The following IL1RAPL2 variants were observed in gnomAD, a reference collection of about 807,000 sequenced individuals.
IL1RAPL2 encodes the protein interleukin 1 receptor accessory protein like 2, also known as X-linked interleukin-1 receptor accessory protein-like 2.
Under a neutral mutation model 44.1 loss-of-function variants are expected in IL1RAPL2, and 3 were observed. The observed-to-expected ratio is 0.07, with a 90% CI of 0.03 to 0.18. The LOEUF is 0.18. Among genes scored for constraint, IL1RAPL2 ranks in the 10% least tolerant of loss-of-function variants. The pLI is 1.00. For synonymous variants in IL1RAPL2, 181 were observed against 178.8 expected (o/e 1.01, Z -0.10); for missense variants, 391 against 496.4 (o/e 0.79, Z 2.02).
At chrX:105,435,941 C>T (rs986714819) in intron 5 of IL1RAPL2, among the ~76,000 whole-genome samples, 3 of 110,904 alleles carry the variant, frequency 2.7e-5, no homozygotes, top group Non-Finnish European at 1.9e-5. Context: ...CTAATGCATG[C>T]GGGGCTTAAT....
At chrX:105,591,340 A>C (rs897633650) in intron 6 of IL1RAPL2, among the ~76,000 whole-genome samples, 3 of 109,195 alleles carry the variant, frequency 2.7e-5, no homozygotes, top group Admixed American at 9.8e-5. Flanking sequence ...GGGATCTATC[A>C]ATCTTATTTA....
At chrX:105,650,411 T>G (rs1240472433) in intron 6 of IL1RAPL2, among the ~76,000 whole-genome samples, 1 of 111,894 alleles carries the variant, frequency 8.9e-6, no homozygotes, top group Non-Finnish European at 1.9e-5. Context: ...AAGTTCTTTA[T>G]GTGTTTTTGT....
At chrX:105,659,225 C>G (rs1285941432) in intron 6 of IL1RAPL2, among the ~76,000 whole-genome samples, 7 of 111,089 alleles carry the variant, frequency 6.3e-5, no homozygotes, top group Non-Finnish European at 1.3e-4. Context: ...AAATAAGGCA[C>G]CAAAGACCAA....
At chrX:105,081,409 C>G (rs1298970670) in intron 2 of IL1RAPL2, among the ~76,000 whole-genome samples, 5 of 111,170 alleles carry the variant, frequency 4.5e-5, no homozygotes, top group African/African-American at 1.6e-4. Flanking sequence ...TTATTAGAAC[C>G]TTTTCATTAT....
chrX:105,416,290 AT>A (rs2035732643), intron 5 of IL1RAPL2, among the ~76,000 whole-genome samples: 1 of 111,792 alleles, frequency 8.9e-6, no homozygotes, highest in African/African-American at 3.2e-5. Context: ...TTTTGCTGCT[AT>A]TTCCCCATCC....
At chrX:105,176,606 A>G (rs893077747) in intron 2 of IL1RAPL2, among the ~76,000 whole-genome samples, 1 of 110,629 alleles carries the variant, frequency 9.0e-6, no homozygotes, top group African/African-American at 3.3e-5. Flanking sequence ...TGCCAGTTGC[A>G]TAAGCACTTC....
intron 2 of IL1RAPL2, among the ~76,000 whole-genome samples, chrX:104,662,694 G>A (rs140402054): frequency 2.4e-4 from 27 of 111,466 alleles, no homozygotes; most frequent in African/African-American, 7.8e-4. Context: ...CCTGAAAAAC[G>A]TCCTCAGAAT....
intron 2 of IL1RAPL2, among the ~76,000 whole-genome samples, chrX:104,728,764 C>T (rs1470302211): frequency 1.8e-5 from 2 of 111,448 alleles, no homozygotes; most frequent in East Asian, 2.8e-4. Flanking sequence ...AGAGAGAGCA[C>T]GGGCCTGTTT....
At chrX:105,182,327 A>G (rs1173521701) in intron 2 of IL1RAPL2, among the ~76,000 whole-genome samples, 1 of 111,146 alleles carries the variant, frequency 9.0e-6, no homozygotes, top group African/African-American at 3.3e-5. Flanking sequence ...TGTTGGGTGT[A>G]TATGTATTCA....
chrX:105,067,163 A>C (rs375344407), intron 2 of IL1RAPL2, among the ~76,000 whole-genome samples: 18 of 111,902 alleles, frequency 1.6e-4, no homozygotes, highest in African/African-American at 5.9e-4. Context: ...TTCTTAACTG[A>C]GGGTATTTAG....
At chrX:105,685,073 G>A (rs768161463) in intron 6 of IL1RAPL2, among the ~76,000 whole-genome samples, 1 of 111,690 alleles carries the variant, frequency 9.0e-6, no homozygotes, top group South Asian at 3.8e-4. Flanking sequence ...AAGACCAAAG[G>A]TATATAAAAC....
At chrX:105,420,145 T>C (rs956375737) in intron 5 of IL1RAPL2, among the ~76,000 whole-genome samples, 10 of 110,846 alleles carry the variant, frequency 9.0e-5, no homozygotes, top group African/African-American at 1.6e-4. Flanking sequence ...TTTGGTTCAC[T>C]GATTTTCTAA....
rs144701265 is a variant in IL1RAPL2 at position 104,798,685 on chromosome X, C to T, written c.82+139690C>T. ...CGTCTCAAAAAAAAATTTACAAGCTCATTTTTTTGCCCACTTACTAAGTTT... is the reference window on the plus strand; with the variant it reads ...CGTCTCAAAAAAAAATTTACAAGCTTATTTTTTTGCCCACTTACTAAGTTT... On this transcript the variant is annotated intron_variant, in intron 2 of 10. Transcript: ENST00000372582. Among the ~76,000 whole-genome samples, 843 of 110,393 alleles carry T rather than the reference C, an allele frequency of 7.6e-3. 8 individuals are homozygous for T. The highest frequency in any genetic ancestry group is 0.026 in the African/African-American group (797 of 30,387).
chrX:104,874,753 G>T (rs1053504181), intron 2 of IL1RAPL2, among the ~76,000 whole-genome samples: 4 of 111,437 alleles, frequency 3.6e-5, no homozygotes, highest in Non-Finnish European at 7.5e-5. Flanking sequence ...GTGCACTGAG[G>T]AATGTTCACC....
rs921975333 is a variant in IL1RAPL2 at position 105,115,935 on chromosome X, C to G, written c.83-79540C>G. Reference sequence around the variant, plus strand: ...CTAAGGCCTGGCGAGAAATCAAGCACAGCAGCTGCTGGCCCAGGTGCTAAG... The same window carrying G: ...CTAAGGCCTGGCGAGAAATCAAGCAGAGCAGCTGCTGGCCCAGGTGCTAAG... On this transcript the variant is annotated intron_variant, in intron 2 of 10. Transcript: ENST00000372582. Among the ~76,000 whole-genome samples, 4 of 113,480 alleles carry G rather than the reference C, an allele frequency of 3.5e-5. No individual in the cohort carries two copies. The Admixed American group carries it at 3.7e-4, about 10-fold the overall frequency.
At position 105,195,799 on chromosome X, in the gene IL1RAPL2, A is replaced by G. The variant is rs782493174; in HGVS notation, c.356+51A>G. 7.0e-6 allele frequency: 8 copies of G among 1,140,886 alleles called. No individual in the cohort carries two copies. In the Admixed American group the frequency reaches 1.8e-4, roughly 25 times the overall value. 94.0% of individuals were successfully genotyped at this position (1,140,886 alleles called of 1,213,427 possible). On this transcript the variant is annotated intron_variant, in intron 3 of 10. Coordinates refer to ENST00000372582, the MANE Select transcript of IL1RAPL2 (RefSeq NM_017416.2). ...CAATCACATGGCTGATAGTCTTTTG[A>G]GTGGGACTTGAGTACATGTAGGTAT...
At chrX:105,011,139 A>G (rs1319353696) in intron 2 of IL1RAPL2, among the ~76,000 whole-genome samples, 1 of 111,138 alleles carries the variant, frequency 9.0e-6, no homozygotes. Context: ...TAACTTCTAT[A>G]AGCCTGCTTC....
At chrX:104,791,936 G>A (rs189351291) in intron 2 of IL1RAPL2, among the ~76,000 whole-genome samples, 2 of 110,015 alleles carry the variant, frequency 1.8e-5, no homozygotes, top group Admixed American at 9.7e-5. Context: ...ATGCCTTTTC[G>A]GGGCTACTTG....
At chrX:105,439,562 GA>G (rs2035906308) in intron 5 of IL1RAPL2, among the ~76,000 whole-genome samples, 1 of 99,385 alleles carries the variant, frequency 1.0e-5, no homozygotes, top group African/African-American at 3.7e-5. Flanking sequence ...AAGGATGGAA[GA>G]AAAAATGATA....
Sources: allele counts gnomAD v4.1 joint callset (sites outside exome capture counted in the v4.1 genomes callset), GRCh38; gene constraint gnomAD v4.1.1; transcripts MANE v1.5; gene names NCBI Gene and HGNC (gene_info 2026-07-23, HGNC 2026-07-21).